The following TTC6 variants were observed in gnomAD, a reference collection of about 807,000 sequenced individuals.
The protein encoded by TTC6 is tetratricopeptide repeat protein 6.
TTC6 carries 172 observed loss-of-function variants against 210.4 expected under a neutral mutation model. The observed-to-expected ratio is 0.82, with a 90% confidence interval of 0.72 to 0.93. The LOEUF (loss-of-function observed/expected upper bound fraction) is 0.93. TTC6 is among the 40% of genes least tolerant of loss of function. The pLI, the probability that TTC6 is intolerant of heterozygous loss-of-function variation, is 0.00. For synonymous variants in TTC6, 804 were observed against 819.6 expected (o/e 0.98, Z 0.32); for missense variants, 2,414 against 2,318.1 (o/e 1.04, Z -0.85).
chr14:37,782,515 A>C (rs192107230), intron 14 of TTC6, among the ~76,000 whole-genome samples: 1,775 of 152,154 alleles, frequency 0.012, 27 homozygotes, highest in African/African-American at 0.04. Flanking sequence ...TATCAGCTTA[A>C]GGAGATTTTG....
At chr14:37,617,174 CACATTTTATTTT>C (rs1223766297), upstream of TTC6, among the ~76,000 whole-genome samples, 1 of 152,152 alleles carries the variant, frequency 6.6e-6, no homozygotes, top group Non-Finnish European at 1.5e-5. Context: ...TGCACCTGGC[CACATTTTATTTT>C]TAAATTTTGG....
chr14:37,714,697 T>G lies in TTC6; in HGVS notation c.1614T>G (p.Tyr538Ter). ...CTGTTATGGATGACAACCAAGAATA[T>G]GTCCATATTCCTCCGACACCGCAAG... The change falls in exon 6 of 31, where the codon TAT becomes TAG. Residue 538 changes from tyrosine to a stop codon, truncating the protein, a stop_gained. Transcript: ENST00000553443. LOFTEE classifies it high-confidence loss of function. 6.5e-7 allele frequency: 1 copy of G among 1,535,648 alleles called. No homozygotes were observed. Among genetic ancestry groups the G allele is most frequent in the South Asian group, 1.2e-5 (1 of 84,050 alleles).
intron 29 of TTC6, among the ~76,000 whole-genome samples, chr14:37,835,075 G>A (rs7155567): frequency 0.77 from 116,320 of 152,044 alleles, 49,617 homozygotes; most frequent in Non-Finnish European, 0.94. Flanking sequence ...TAGCACATGG[G>A]GGCCATTGCA....
intron 1 of TTC6, among the ~76,000 whole-genome samples, chr14:37,641,457 A>G (rs2095691615): frequency 6.6e-6 from 1 of 152,220 alleles, no homozygotes; most frequent in Non-Finnish European, 1.5e-5. Flanking sequence ...AACAGACTGC[A>G]CAGCACATTT....
chr14:37,707,053 C>G (rs1171415263), intron 5 of TTC6, among the ~76,000 whole-genome samples: 1 of 151,894 alleles, frequency 6.6e-6, no homozygotes, highest in African/African-American at 2.4e-5. Context: ...TGTCTGTCAG[C>G]ATTTGCCTAT....
intron 14 of TTC6, among the ~76,000 whole-genome samples, chr14:37,770,317 G>A (rs1285132450): frequency 6.6e-6 from 1 of 152,134 alleles, no homozygotes; most frequent in African/African-American, 2.4e-5. Context: ...TGTCTATTAG[G>A]TCTGCTTGGT....
intron 29 of TTC6, 109 bp downstream of exon 31, chr14:37,827,475 ATTAGCTCTTTTATTTAAAATG>A: frequency 1.0e-6 from 1 of 977,028 alleles, no homozygotes; most frequent in African/African-American, 1.6e-5. Flanking sequence ...TGCATTGGCT[ATTAGCTCTTTTATTTAAAATG>A]TTATCTTTCA....
intron 3 of TTC6, among the ~76,000 whole-genome samples, chr14:37,694,026 C>A (rs143258698): frequency 9.9e-4 from 150 of 151,696 alleles, no homozygotes; most frequent in Non-Finnish European, 1.5e-3. Flanking sequence ...ACTGGGGAAA[C>A]TCTCCAGTAC....
chr14:37,638,714 A>T (rs2095685805), intron 1 of TTC6, among the ~76,000 whole-genome samples: 1 of 152,118 alleles, frequency 6.6e-6, no homozygotes, highest in Admixed American at 6.5e-5. Context: ...CCTGGTTGTG[A>T]TATTGTATTA....
intron 25 of TTC6, among the ~76,000 whole-genome samples, chr14:37,815,989 C>A (rs1595305490): frequency 1.3e-5 from 2 of 148,194 alleles, no homozygotes; most frequent in African/African-American, 5.0e-5. Context: ...TTGAAACTTC[C>A]AAAATTAATG....
chr14:37,745,210 T>C (rs1047085567), intron 10 of TTC6, among the ~76,000 whole-genome samples: 1 of 152,222 alleles, frequency 6.6e-6, no homozygotes, highest in Non-Finnish European at 1.5e-5. Context: ...GTGTGTTCAT[T>C]GCTTCAGTAA....
intron 29 of TTC6, among the ~76,000 whole-genome samples, chr14:37,833,095 A>G (rs1392537523): frequency 2.7e-5 from 4 of 149,824 alleles, no homozygotes; most frequent in Admixed American, 6.7e-5. Flanking sequence ...CAGCTGTTGG[A>G]TGAAATGTAC....
chr14:37,663,382 G>A (rs79189696), intron 1 of TTC6, among the ~76,000 whole-genome samples: 8,698 of 152,156 alleles, frequency 0.057, 384 homozygotes, highest in Non-Finnish European at 0.089. Flanking sequence ...TTAAATGACT[G>A]TGGAAACTCA....
intron 1 of TTC6, among the ~76,000 whole-genome samples, chr14:37,624,113 T>C (rs1566846345): frequency 6.6e-6 from 1 of 152,190 alleles, no homozygotes; most frequent in Admixed American, 6.5e-5. Context: ...ATTTAAGGAA[T>C]GTGACCATAA....
At chr14:37,607,619 T>C (rs2095627499) in intron 2 of TTC6, among the ~76,000 whole-genome samples, 1 of 124,906 alleles carries the variant, frequency 8.0e-6, no homozygotes, top group South Asian at 2.5e-4. Context: ...TATTTAGTCT[T>C]TTTTTTTTTT....
At chr14:37,787,476 G>A (rs1410126323) in exon 15 of TTC6, 6 of 1,520,480 alleles carry the variant, frequency 3.9e-6, no homozygotes, top group East Asian at 2.5e-5. Context: ...AGGACATACC[G>A]AGGGATTGCA....
At chr14:37,648,360 T>A (rs2095705397) in intron 1 of TTC6, among the ~76,000 whole-genome samples, 1 of 152,210 alleles carries the variant, frequency 6.6e-6, no homozygotes, top group Non-Finnish European at 1.5e-5. Flanking sequence ...GAGTACTTTT[T>A]CTCTTTAATC....
In TTC6 at chr14:37,713,705, C is replaced by A. The variant is rs184736531; in HGVS notation, c.1572-950C>A. Among the ~76,000 whole-genome samples, 234 of 152,280 alleles carry A rather than the reference C, an allele frequency of 1.5e-3. 3 individuals carry two copies. The South Asian group carries it at 0.016, about 10-fold the overall frequency. ...AGATAGGAAGCTTTTATTCATGACT[C>A]TACTCTGACAAAGCCATATCTTCTT... On this transcript the variant is annotated intron_variant, in intron 5 of 30. Coordinates refer to ENST00000553443, the Ensembl canonical transcript of TTC6.
intron 10 of TTC6, among the ~76,000 whole-genome samples, chr14:37,741,779 A>C (rs1336880018): frequency 6.6e-6 from 1 of 152,134 alleles, no homozygotes; most frequent in African/African-American, 2.4e-5. Flanking sequence ...AAGCTACTGG[A>C]GCCATCTCAC....
Sources: allele counts gnomAD v4.1 joint callset (sites outside exome capture counted in the v4.1 genomes callset), GRCh38; gene constraint gnomAD v4.1.1; transcripts MANE v1.5; gene names NCBI Gene and HGNC (gene_info 2026-07-23, HGNC 2026-07-21).